ZNF726: variants seen among roughly 807,000 people sequenced by gnomAD.
ZNF726 encodes the protein zinc finger protein 92 pseudogene 3.
Under a neutral mutation model 11.6 loss-of-function variants are expected in ZNF726, and 15 were observed. The observed-to-expected ratio is 1.29, with a 90% confidence interval of 0.86 to 1.99. The LOEUF (loss-of-function observed/expected upper bound fraction) is 1.99, where lower values mean the gene tolerates loss of function less well. ZNF726 is among the 30% of genes most tolerant of loss of function. The pLI is 0.00. For synonymous variants in ZNF726, 295 were observed against 243.6 expected (o/e 1.21, Z -1.96); for missense variants, 890 against 725.6 (o/e 1.23, Z -2.60).
intron 3 of ZNF726, chr19:23,920,319 G>A (rs1010365641): frequency 3.3e-6 from 1 of 299,748 alleles, no homozygotes; most frequent in Non-Finnish European, 6.5e-6. Flanking sequence ...GACAGCCAAA[G>A]TACTGTTCAT....
Position 23,933,287 on chromosome 19 carries a change from C to T in ZNF726, c.1171C>T (p.His391Tyr). The T allele has an allele frequency of 2.5e-6, 4 of 1,613,030 alleles. No individual in the cohort carries two copies. The highest frequency in any genetic ancestry group is 3.4e-6 in the Non-Finnish European group (4 of 1,179,944). ...PSTLTKHKRI[H>Y]TGEKPYKCEE... ...AACCCTAACTAAACATAAGAGGATT[C>T]ACACTGGAGAGAAACCCTACAAATG... The change falls in exon 4 of 4, where the codon CAC becomes TAC. Residue 391 changes from histidine to tyrosine, a missense_variant. Transcript: ENST00000594466.
chr19:23,924,244 G>T (rs533355206), intron 3 of ZNF726, among the ~76,000 whole-genome samples: 2 of 149,366 alleles, frequency 1.3e-5, no homozygotes, highest in East Asian at 2.0e-4. Context: ...AGTAGAAATG[G>T]TATTTCTCCA....
intron 3 of ZNF726, among the ~76,000 whole-genome samples, chr19:23,942,285 A>G (rs970728845): frequency 2.0e-5 from 3 of 152,074 alleles, no homozygotes; most frequent in African/African-American, 7.2e-5. Context: ...TTCCTTTGAG[A>G]GTTGATTTCC....
intron 3 of ZNF726, among the ~76,000 whole-genome samples, chr19:23,942,341 AT>A: frequency 6.6e-6 from 1 of 151,822 alleles, no homozygotes; most frequent in Non-Finnish European, 1.5e-5. Context: ...TGTAATTTCA[AT>A]TTTCTTAAAT....
At chr19:23,926,133 A>G (rs755058082) in intron 3 of ZNF726, among the ~76,000 whole-genome samples, 22 of 152,212 alleles carry the variant, frequency 1.4e-4, no homozygotes, top group Non-Finnish European at 2.1e-4. Flanking sequence ...TTATATGTGC[A>G]GAAATGTTGA....
chr19:23,935,923 A>G (rs1968223082), downstream of ZNF726: 1 of 152,452 alleles, frequency 6.6e-6, no homozygotes, highest in Non-Finnish European at 1.5e-5. Flanking sequence ...GTGCAGAAGC[A>G]TATTTATTTT....
chr19:23,923,576 A>T (rs865982906), intron 3 of ZNF726: 1 of 180,568 alleles, frequency 5.5e-6, no homozygotes, highest in Non-Finnish European at 1.2e-5. Flanking sequence ...GCGCTTGGCT[A>T]ATTTTTTGTA....
At chr19:23,934,770 G>C (rs1340455781), downstream of ZNF726, among the ~76,000 whole-genome samples, 2 of 152,150 alleles carry the variant, frequency 1.3e-5, no homozygotes, top group African/African-American at 2.4e-5. Context: ...TGGGGAAAAG[G>C]CTCCCTCTCT....
intron 3 of ZNF726, among the ~76,000 whole-genome samples, chr19:23,939,862 ATTTT>A (rs374902806): frequency 6.9e-5 from 6 of 87,154 alleles, no homozygotes; most frequent in Admixed American, 2.4e-4. Context: ...TTTTGATGGG[ATTTT>A]TTTTTTTTTT....
intron 3 of ZNF726, among the ~76,000 whole-genome samples, chr19:23,931,473 CTTAAAA>C (rs77076148): frequency 0.17 from 26,223 of 151,900 alleles, 2,323 homozygotes; most frequent in East Asian, 0.22. Flanking sequence ...ATTACCAATT[CTTAAAA>C]TTAATGTATA....
chr19:23,917,614 G>T (rs569181625), intron 1 of ZNF726, among the ~76,000 whole-genome samples: 3 of 151,680 alleles, frequency 2.0e-5, no homozygotes, highest in Non-Finnish European at 4.4e-5. Context: ...CTTTTTTTTA[G>T]CAGGGTAAAA....
intron 1 of ZNF726, among the ~76,000 whole-genome samples, chr19:23,916,474 A>T (rs2144952943): frequency 6.6e-6 from 1 of 152,166 alleles, no homozygotes; most frequent in South Asian, 2.1e-4. Flanking sequence ...GGAATTACAG[A>T]TGCCTGGCAC....
chr19:23,935,574 A>G (rs1968216701), downstream of ZNF726: 2 of 317,760 alleles, frequency 6.3e-6, no homozygotes. Context: ...AGTGCCTTTG[A>G]CAGCATCTCA....
intron 1 of ZNF726, among the ~76,000 whole-genome samples, chr19:23,915,828 C>T (rs1234127872): frequency 1.3e-5 from 2 of 152,130 alleles, no homozygotes; most frequent in Non-Finnish European, 2.9e-5. Flanking sequence ...GTGATCCACC[C>T]ACCTCGGCCT....
chr19:23,916,900 A>G (rs1203628164), intron 1 of ZNF726, among the ~76,000 whole-genome samples: 2 of 152,126 alleles, frequency 1.3e-5, no homozygotes, highest in Non-Finnish European at 2.9e-5. Flanking sequence ...ACACATGAGT[A>G]AAACATATCT....
chr19:23,934,791 C>A (rs1968200072), downstream of ZNF726, among the ~76,000 whole-genome samples: 1 of 152,254 alleles, frequency 6.6e-6, no homozygotes, highest in African/African-American at 2.4e-5. Flanking sequence ...CACAGAGTTA[C>A]TACCAGAATT....
At chr19:23,937,794 T>G (rs947456802), downstream of ZNF726, among the ~76,000 whole-genome samples, 1 of 152,210 alleles carries the variant, frequency 6.6e-6, no homozygotes, top group Non-Finnish European at 1.5e-5. Context: ...CAAGGCAGGC[T>G]GCTGGGAGGT....
In ZNF726 at chr19:23,933,077, G is replaced by A. The variant is rs1389194652; in HGVS notation, c.961G>A (p.Ala321Thr). ...CTACAAATGTGAAGAATGTGGCAAA[G>A]CATTTGTTTGGTCCTCAACCCTAAC... is the stretch of plus-strand genomic sequence containing the variant. Reference protein sequence around the residue: ...KPYKCEECGKAFVWSSTLTRH... With the variant: ...KPYKCEECGKTFVWSSTLTRH... The change falls in exon 4 of 4, where the codon GCA (alanine) becomes ACA (threonine). Residue 321 changes from alanine (A) to threonine (T), a missense_variant. Physicochemically the swap from Ala to Thr is moderately conservative, Grantham distance 58. Coordinates refer to ENST00000594466, the MANE Select transcript of ZNF726 (RefSeq NM_001244038.2). 3 of 1,612,290 alleles carry A rather than the reference G, an allele frequency of 1.9e-6. No homozygotes were observed. Among genetic ancestry groups the A allele is most frequent in the Non-Finnish European group, 2.5e-6 (3 of 1,179,952 alleles).
intron 3 of ZNF726, chr19:23,921,489 G>A (rs1015484317): frequency 6.6e-6 from 1 of 151,886 alleles, no homozygotes; most frequent in African/African-American, 2.4e-5. Context: ...TAGATAATAT[G>A]GCAGTTTCAC....
Sources: gnomAD v4.1 joint callset for allele counts (sites outside exome capture counted in the v4.1 genomes callset) on GRCh38, gnomAD v4.1.1 for gene constraint, MANE v1.5 for transcripts, NCBI Gene and HGNC (gene_info 2026-07-23, HGNC 2026-07-21) for gene names.